Variants in MYH14 observed in about 807,000 individuals in gnomAD.
MYH14 encodes the protein myosin-14.
In MYH14, 123 loss-of-function variants were observed where a neutral mutation model predicts 255.5. The ratio of observed to expected loss-of-function variants is 0.48; its 90% confidence interval spans 0.42 to 0.56. The LOEUF (loss-of-function observed/expected upper bound fraction) is 0.56. Among genes scored for constraint, MYH14 ranks in the 20% least tolerant of loss-of-function variants. The pLI is 0.00. For synonymous variants in MYH14, 1,095 were observed against 1,161.2 expected, an observed-to-expected ratio of 0.94 and a Z score of 1.16; for missense variants, 2,423 against 2,802.3, an observed-to-expected ratio of 0.86 and a Z score of 3.06.
At chr19:50,240,783 A>G (rs1412294633) in intron 10 of MYH14, among the ~76,000 whole-genome samples, 1 of 151,838 alleles carries the variant, frequency 6.6e-6, no homozygotes, top group African/African-American at 2.4e-5. Flanking sequence ...TTAAAAAAAT[A>G]AAATAAAATA....
Position 50,280,254 on chromosome 19 carries a change from G to A in MYH14, c.4161G>A (p.Arg1387=). ...DAQELLQEET[R]AKLALGSRVR... The stretch of plus-strand genomic sequence containing the variant: ...AGGAGCTGCTGCAGGAGGAGACCAG[G>A]GCGAAATTGGCCTTGGGGTCCCGGG... The change falls in exon 32 of 43, where the codon AGG becomes AGA. Residue 1387 remains arginine, a synonymous_variant. Coordinates refer to ENST00000642316, the MANE Select transcript of MYH14 (RefSeq NM_001145809.2). The surrounding 1 kb of genome is among the most constrained non-coding windows in gnomAD (Gnocchi z 4.8). 3 of 1,551,752 alleles carry A rather than the reference G, an allele frequency of 1.9e-6. No individual in the cohort carries two copies. Among genetic ancestry groups the A allele is most frequent in the Non-Finnish European group, 2.6e-6 (3 of 1,147,002 alleles).
At position 50,225,590 on chromosome 19, in the gene MYH14, G is replaced by C. The variant is rs1419656939; in HGVS notation, c.723G>C (p.Glu241Asp). The C allele has an allele frequency of 1.2e-6, 2 of 1,613,162 alleles. No individual in the cohort carries two copies. Among genetic ancestry groups the C allele is most frequent in the Admixed American group, 3.3e-5 (2 of 59,926 alleles). ...PASVSTVSYG[E>D]LERQLLQANP... ...TCATCTCCTGTGCCCGGCAGGGTGA[G>C]CTGGAGCGGCAGCTGCTTCAGGCCA... The change falls in exon 7 of 43, where the codon GAG becomes GAC. Residue 241 changes from glutamate to aspartate, a missense_variant. This residue lies in a region of MYH14 where 672 missense variants were observed against 881.8 expected (regional missense o/e 0.76). Coordinates refer to ENST00000642316, the MANE Select transcript of MYH14 (RefSeq NM_001145809.2).
chr19:50,208,159 A>C (rs1010923718), intron 1 of MYH14, among the ~76,000 whole-genome samples: 1 of 152,224 alleles, frequency 6.6e-6, no homozygotes, highest in African/African-American at 2.4e-5. Context: ...TCGTGCCTGT[A>C]ATCCCAGCAC....
chr19:50,204,130 T>C (rs1331211663), intron 1 of MYH14, among the ~76,000 whole-genome samples: 1 of 152,208 alleles, frequency 6.6e-6, no homozygotes, highest in African/African-American at 2.4e-5. Flanking sequence ...ATGATGTACT[T>C]GGACGCTTTT....
At chr19:50,258,911 A>T (rs1010486740) in intron 18 of MYH14, among the ~76,000 whole-genome samples, 1 of 151,968 alleles carries the variant, frequency 6.6e-6, no homozygotes, top group Admixed American at 6.6e-5. Context: ...CTTCTTTATT[A>T]GTGACTGCTT....
In MYH14 at chr19:50,257,514, G is replaced by A. The variant is rs772197263; in HGVS notation, c.2232+28G>A. ...GAGTGACTCAGCCTGGGGAGGAAGG[G>A]GTGGCTGTGGCTGTGGGTTAAGGTT... On this transcript the variant is annotated intron_variant, in intron 18 of 42. Coordinates refer to ENST00000642316, the MANE Select transcript of MYH14 (RefSeq NM_001145809.2). 5 of 1,574,080 alleles carry A rather than the reference G, an allele frequency of 3.2e-6. No homozygotes were observed. The African/African-American group carries it at 4.0e-5, about 13-fold the overall frequency.
intron 19 of MYH14, among the ~76,000 whole-genome samples, chr19:50,260,154 C>T (rs913868858): frequency 5.3e-5 from 8 of 152,148 alleles, no homozygotes; most frequent in African/African-American, 1.9e-4. Context: ...TGGCTGGGCA[C>T]TGTGGCTCAT....
Position 50,230,599 on chromosome 19 carries a change from G to A in MYH14, c.949G>A (p.Gly317Arg), listed in dbSNP as rs727503222. Residue 317 changes from glycine (G) to arginine (R), a missense_variant, in exon 9 of 43, where the codon GGG becomes AGG. Transcript: ENST00000642316. This position sits in a 1 kb window ranked among gnomAD's most constrained non-coding sequence, Gnocchi z 4.7. ...CSFHIFYQLL[G>R]GAGEQLKADL... is the part of the protein sequence containing the mutation. ...CTTCCACATCTTCTACCAGCTGCTG[G>A]GGGGCGCTGGAGAGCAGCTCAAAGG... 1 of 1,566,416 alleles carries A rather than the reference G, an allele frequency of 6.4e-7. No homozygotes were observed.
chr19:50,310,503 T>A lies in MYH14; in HGVS notation c.*713T>A, dbSNP rs1419744731. 2 of 152,404 alleles carry A rather than the reference T, an allele frequency of 1.3e-5. No homozygotes were observed. The highest frequency in any genetic ancestry group is 2.9e-5 in the Non-Finnish European group (2 of 68,268). 9.4% of individuals were successfully genotyped at this position (152,404 alleles called of 1,614,324 possible). ...AGGAGTGTCCTTTACCCTCCCAGCC[T>A]CCAGGCTCTGGCAGAAATAAACTCC... On this transcript the variant is annotated 3_prime_UTR_variant, in exon 43 of 43. Transcript: ENST00000642316.
At chr19:50,222,498 A>AAAG (rs1257492562) in intron 3 of MYH14, among the ~76,000 whole-genome samples, 1 of 151,670 alleles carries the variant, frequency 6.6e-6, no homozygotes, top group East Asian at 1.9e-4. Flanking sequence ...AAAAAAAAAA[A>AAAG]AAGAACCACT....
At chr19:50,204,634 C>A (rs910320438) in intron 1 of MYH14, among the ~76,000 whole-genome samples, 2 of 152,214 alleles carry the variant, frequency 1.3e-5, no homozygotes, top group African/African-American at 4.8e-5. Flanking sequence ...GTGGCTCAGG[C>A]CTGTAATCCC....
In MYH14 at chr19:50,276,702, C is replaced by A. The variant is rs1230631242; in HGVS notation, c.3681-55C>A. Reference sequence around the variant, plus strand: ...GGAGAAACAACCAGCTCCCCCAAAGCCCCTGCCTTCCTCTGCTCTGAAATT... The same window carrying A: ...GGAGAAACAACCAGCTCCCCCAAAGACCCTGCCTTCCTCTGCTCTGAAATT... On this transcript the variant is annotated intron_variant, in intron 28 of 42. Transcript: ENST00000642316. The surrounding 1 kb of genome is among the most constrained non-coding windows in gnomAD (Gnocchi z 4.3). 6.2e-7 allele frequency: 1 copy of A among 1,611,078 alleles called. No homozygotes were observed. The highest frequency in any genetic ancestry group is 1.3e-5 in the African/African-American group (1 of 74,830).
chr19:50,271,514 C>T lies in MYH14; in HGVS notation c.3139C>T (p.Leu1047Phe). 6.2e-7 allele frequency: 1 copy of T among 1,606,580 alleles called. No individual in the cohort carries two copies. The highest frequency in any genetic ancestry group is 8.5e-7 in the Non-Finnish European group (1 of 1,176,700). Reference sequence around the variant, plus strand: ...GAAGAAATTTGAAGAGGACCTGCTGCTCCTGGAAGACCAGAATTCCAAGCT... The same window carrying T: ...GAAGAAATTTGAAGAGGACCTGCTGTTCCTGGAAGACCAGAATTCCAAGCT... ...KMKKFEEDLLLLEDQNSKLSK... is the reference protein window; with the variant it reads ...KMKKFEEDLLFLEDQNSKLSK... Residue 1047 changes from leucine (L) to phenylalanine (F), a missense_variant, in exon 25 of 43, where the codon CTC (leucine) becomes TTC (phenylalanine). Around this residue, in one of 3 missense-constraint regions of MYH14, gnomAD observed 1,513 missense variants for 1,674.8 expected, o/e 0.90. Transcript: ENST00000642316.
Position 50,273,601 on chromosome 19 carries a change from G to GTGTGTGT in MYH14, c.3467+870_3467+871insTGTGTGT, listed in dbSNP as rs1555772397. Among the ~76,000 whole-genome samples the GTGTGTGT allele has an allele frequency of 2.5e-3, 344 of 137,576 alleles. 2 individuals are homozygous for GTGTGTGT. The highest frequency in any genetic ancestry group is 5.9e-3 in the African/African-American group (221 of 37,176). 90.3% of individuals were successfully genotyped at this position (137,576 alleles called of 152,430 possible). A position where few individuals can be genotyped will look rare whatever the true frequency, so the allele number is the denominator to read the frequency against. On this transcript the variant is annotated intron_variant, in intron 27 of 42. Transcript: ENST00000642316. ...ATCTTAGAGTTGATGGAACATGGGG[G>GTGTGTGT]GTGTGTGTGTGTGTGTGTGTGTGTG...
intron 40 of MYH14, among the ~76,000 whole-genome samples, chr19:50,304,377 A>G (rs1353670150): frequency 6.6e-6 from 1 of 152,140 alleles, no homozygotes; most frequent in Non-Finnish European, 1.5e-5. Flanking sequence ...ATCACTTGAG[A>G]TCAGGAATTC....
At chr19:50,279,520 C>T (rs995894819) in intron 30 of MYH14, among the ~76,000 whole-genome samples, 1 of 152,148 alleles carries the variant, frequency 6.6e-6, no homozygotes, top group African/African-American at 2.4e-5. Flanking sequence ...GTAATCCTAG[C>T]TACTTGGGAG....
Position 50,276,968 on chromosome 19 carries a change from G to A in MYH14, c.3825+67G>A. 1.5e-6 allele frequency: 2 copies of A among 1,310,826 alleles called. No homozygotes were observed. Among genetic ancestry groups the A allele is most frequent in the Non-Finnish European group, 2.1e-6 (2 of 943,368 alleles). 81.2% of individuals were successfully genotyped at this position (1,310,826 alleles called of 1,614,324 possible). A position where few individuals can be genotyped will look rare whatever the true frequency, so the allele number is the denominator to read the frequency against. On this transcript the variant is annotated intron_variant, in intron 29 of 42. Transcript: ENST00000642316. This position sits in a 1 kb window ranked among gnomAD's most constrained non-coding sequence, Gnocchi z 4.3. ...GGGCAGGGCAGGACGCGGGGTTGGA[G>A]GAGGTACCGCTGGCTGGTTCTAGGC...
chr19:50,237,725 C>G (rs1258130820), intron 10 of MYH14, among the ~76,000 whole-genome samples: 1 of 152,236 alleles, frequency 6.6e-6, no homozygotes, highest in Non-Finnish European at 1.5e-5. Context: ...GCACCTGTGT[C>G]CCCACCTGCA....
chr19:50,216,335 A>G (rs777484783), intron 2 of MYH14, among the ~76,000 whole-genome samples: 2 of 151,888 alleles, frequency 1.3e-5, no homozygotes, highest in Non-Finnish European at 2.9e-5. Context: ...AGGTGCGGTG[A>G]CTCAAGCCTG....
Sources: allele counts gnomAD v4.1 joint callset (sites outside exome capture counted in the v4.1 genomes callset), GRCh38; gene constraint gnomAD v4.1.1; regional missense constraint gnomAD v4.1.1; non-coding constraint Gnocchi (gnomAD v3.1); transcripts MANE v1.5; gene names NCBI Gene and HGNC (gene_info 2026-07-23, HGNC 2026-07-21).